Variants in ARB2A observed in about 807,000 individuals in gnomAD.
ARB2A encodes ARB2 cotranscriptional regulator A.
At chr5:94,023,849 G>A in the ARB2A span, among the ~76,000 whole-genome samples, 40 of 152,150 alleles carry the variant, frequency 2.6e-4, no homozygotes, top group African/African-American at 9.2e-4. Flanking sequence ...TCCTGGTTAC[G>A]ATGGACAAAA....
At chr5:93,937,438 T>C in the ARB2A span, among the ~76,000 whole-genome samples, 1 of 140,916 alleles carries the variant, frequency 7.1e-6, no homozygotes, top group Non-Finnish European at 1.6e-5. Context: ...CCATCTCTAT[T>C]AAAAAAAAAA....
the ARB2A span, among the ~76,000 whole-genome samples, chr5:93,900,743 T>A: frequency 6.6e-6 from 1 of 151,842 alleles, no homozygotes; most frequent in Non-Finnish European, 1.5e-5. Context: ...CAAACAATAT[T>A]CACATAAGTT....
At chr5:93,804,075 A>G in the ARB2A span, among the ~76,000 whole-genome samples, 1 of 152,016 alleles carries the variant, frequency 6.6e-6, no homozygotes, top group East Asian at 1.9e-4. Context: ...GAACATCTCA[A>G]AGAGTTTGGA....
the ARB2A span, among the ~76,000 whole-genome samples, chr5:94,093,984 C>G: frequency 6.6e-6 from 1 of 152,122 alleles, no homozygotes; most frequent in Admixed American, 6.6e-5. Flanking sequence ...CTTAGAAAGG[C>G]AAATTCCACT....
the ARB2A span, among the ~76,000 whole-genome samples, chr5:93,647,823 G>A: frequency 1.6e-4 from 25 of 152,110 alleles, no homozygotes; most frequent in Non-Finnish European, 2.6e-4. Context: ...TGCGCCAAGT[G>A]CAGGATCGCA....
the ARB2A span, among the ~76,000 whole-genome samples, chr5:93,626,920 T>C: frequency 1.3e-5 from 2 of 152,248 alleles, no homozygotes; most frequent in African/African-American, 4.8e-5. Context: ...GACAGCATTT[T>C]ACCCACAGTA....
chr5:93,765,519 C>A, the ARB2A span, among the ~76,000 whole-genome samples: 269 of 152,292 alleles, frequency 1.8e-3, 1 homozygote, highest in African/African-American at 5.5e-3. Context: ...AGGAGAACTA[C>A]AAACCACTGC....
chr5:94,058,793 C>T, the ARB2A span, among the ~76,000 whole-genome samples: 1 of 152,052 alleles, frequency 6.6e-6, no homozygotes, highest in Non-Finnish European at 1.5e-5. Flanking sequence ...GATGTTTGTC[C>T]CCTCCAAATC....
the ARB2A span, among the ~76,000 whole-genome samples, chr5:94,052,608 T>C: frequency 6.6e-6 from 1 of 152,228 alleles, no homozygotes; most frequent in Non-Finnish European, 1.5e-5. Context: ...ATCCTTGCAA[T>C]CTACAGTATG....
At chr5:93,901,917 C>T in the ARB2A span, among the ~76,000 whole-genome samples, 2 of 151,972 alleles carry the variant, frequency 1.3e-5, no homozygotes, top group African/African-American at 4.8e-5. Context: ...AAATGATACT[C>T]AGGATAACAA....
At chr5:93,804,516 T>C in the ARB2A span, among the ~76,000 whole-genome samples, 1 of 151,922 alleles carries the variant, frequency 6.6e-6, no homozygotes, top group African/African-American at 2.4e-5. Context: ...TCAATATTAT[T>C]AAAAGTTGTA....
chr5:94,077,114 C>T, the ARB2A span, among the ~76,000 whole-genome samples: 1 of 152,050 alleles, frequency 6.6e-6, no homozygotes, highest in Non-Finnish European at 1.5e-5. Context: ...GTGGCTCACG[C>T]CTGTAATCCC....
chr5:94,014,091 G>A, the ARB2A span, among the ~76,000 whole-genome samples: 1 of 152,164 alleles, frequency 6.6e-6, no homozygotes, highest in Non-Finnish European at 1.5e-5. Flanking sequence ...ATATCCCTGA[G>A]GATAGGTAGA....
At chr5:93,846,000 GACACACACACACACAC>G in the ARB2A span, among the ~76,000 whole-genome samples, 11 of 146,668 alleles carry the variant, frequency 7.5e-5, no homozygotes, top group Admixed American at 4.8e-4. Context: ...CTCTCTCTGT[GACACACACACACACAC>G]ACACACACAC....
chr5:93,696,852 G>A, the ARB2A span, among the ~76,000 whole-genome samples: 1 of 151,820 alleles, frequency 6.6e-6, no homozygotes, highest in Non-Finnish European at 1.5e-5. Flanking sequence ...GCCTGAGGTC[G>A]AGAGTTTGAG....
At chr5:94,040,429 G>A in the ARB2A span, among the ~76,000 whole-genome samples, 2 of 151,384 alleles carry the variant, frequency 1.3e-5, no homozygotes, top group African/African-American at 4.9e-5. Flanking sequence ...ATGTATACAT[G>A]TGCCATGTTG....
the ARB2A span, among the ~76,000 whole-genome samples, chr5:93,803,536 C>A: frequency 7.1e-6 from 1 of 141,100 alleles, no homozygotes; most frequent in Non-Finnish European, 1.5e-5. Context: ...GGGAACAACA[C>A]ATACTGGGGC....
the ARB2A span, among the ~76,000 whole-genome samples, chr5:93,895,382 T>C: frequency 6.6e-6 from 1 of 152,230 alleles, no homozygotes; most frequent in Non-Finnish European, 1.5e-5. Context: ...CATTGAATTA[T>C]AGAAATGTGA....
the ARB2A span, among the ~76,000 whole-genome samples, chr5:94,008,521 T>A: frequency 6.6e-6 from 1 of 152,198 alleles, no homozygotes; most frequent in South Asian, 2.1e-4. Context: ...AGACTTTCGA[T>A]GAGTGTCAAA....
Sources: gnomAD v4.1 joint callset for allele counts (sites outside exome capture counted in the v4.1 genomes callset) on GRCh38, gnomAD v4.1.1 for gene constraint, MANE v1.5 for transcripts, NCBI Gene and HGNC (gene_info 2026-07-23, HGNC 2026-07-21) for gene names.